Variants in CCDC141 observed in about 807,000 individuals in gnomAD.
CCDC141 encodes coiled-coil domain-containing protein 141.
In CCDC141, 168 loss-of-function variants were observed where a neutral mutation model predicts 181.0. The observed-to-expected ratio is 0.93, with a 90% CI of 0.82 to 1.05. CCDC141 has a LOEUF of 1.05. Among genes scored for constraint, CCDC141 ranks in the 50% least tolerant of loss-of-function variants. The pLI is 0.00. For synonymous variants in CCDC141, 666 were observed against 642.3 expected (o/e 1.04, Z -0.56); for missense variants, 1,902 against 1,788.5 (o/e 1.06, Z -1.14).
At chr2:178,957,394 C>T (rs1013209716) in intron 5 of CCDC141, among the ~76,000 whole-genome samples, 8 of 152,148 alleles carry the variant, frequency 5.3e-5, no homozygotes, top group African/African-American at 1.9e-4. Flanking sequence ...TTAAAGTGGC[C>T]AAAATCTAGA....
chr2:178,920,787 A>G (rs1688656051), intron 6 of CCDC141, among the ~76,000 whole-genome samples: 1 of 152,118 alleles, frequency 6.6e-6, no homozygotes, highest in African/African-American at 2.4e-5. Context: ...AACTGTACAT[A>G]TTATTTTGTG....
At chr2:178,954,438 A>T (rs953839738) in intron 5 of CCDC141, among the ~76,000 whole-genome samples, 1 of 152,238 alleles carries the variant, frequency 6.6e-6, no homozygotes, top group Non-Finnish European at 1.5e-5. Context: ...AGGCTATCAC[A>T]TCCCACTTAA....
chr2:178,834,214 A>G lies in CCDC141; in HGVS notation c.4552T>C (p.Tyr1518His). 1 of 1,536,358 alleles carries G rather than the reference A, an allele frequency of 6.5e-7. No individual in the cohort carries two copies. Among genetic ancestry groups the G allele is most frequent in the Non-Finnish European group, 8.7e-7 (1 of 1,146,870 alleles). Residue 1518 changes from tyrosine (Y) to histidine (H), a missense_variant, in exon 24 of 24, where the codon TAT becomes CAT. Transcript: ENST00000443758. Reference protein sequence around the residue: ...RVNWITLCVVYVSVSLMYWLL... With the variant: ...RVNWITLCVVHVSVSLMYWLL... ...CAGTACATTAGGGACACACTAACAT[A>G]GACGACACACAGGGTTATCCAGTTT...
chr2:178,884,925 C>T lies in CCDC141; in HGVS notation c.1695G>A (p.Val565=). Residue 565 remains valine, a synonymous_variant, in exon 11 of 24, where the codon GTG becomes GTA. Transcript: ENST00000443758. ...CCTCCTCTGATGACTTCAGAAATGCCACGTAAGTTTGCAGGACTTGCGATC... is the reference window on the plus strand; with the variant it reads ...CCTCCTCTGATGACTTCAGAAATGCTACGTAAGTTTGCAGGACTTGCGATC... ...DYRSQVLQTY[V]AFLKSSEEVE... is the part of the protein sequence containing the mutation. 6.5e-7 allele frequency: 1 copy of T among 1,550,270 alleles called. No homozygotes were observed. The highest frequency in any genetic ancestry group is 8.7e-7 in the Non-Finnish European group (1 of 1,146,756).
intron 7 of CCDC141, among the ~76,000 whole-genome samples, chr2:178,909,868 T>C (rs1688145841): frequency 6.6e-6 from 1 of 152,208 alleles, no homozygotes; most frequent in South Asian, 2.1e-4. Flanking sequence ...CATATATCTC[T>C]CTTCAAACCT....
chr2:178,872,365 T>A, intron 12 of CCDC141, 53 bp from the exon 13 acceptor site: 1 of 1,470,926 alleles, frequency 6.8e-7, no homozygotes, highest in Non-Finnish European at 9.3e-7. Context: ...AGATACAGCT[T>A]TTTGTTGTAT....
In CCDC141 at chr2:178,855,513, C is replaced by T; in HGVS notation, c.2894G>A (p.Ser965Asn). The part of the protein sequence containing the change: ...QALKRKMEKV[S>N]NKTSDSFLNY... ...TAAGAAAGAATCAGAGGTTTTATTA[C>T]TAACTTTTTCCATTTTCCTTTTCAA... The change falls in exon 19 of 24, where the codon AGT (serine) becomes AAT (asparagine). Residue 965 changes from serine (S) to asparagine (N), a missense_variant. Transcript: ENST00000443758. The T allele has an allele frequency of 1.3e-6, 2 of 1,591,238 alleles. No individual in the cohort carries two copies. The highest frequency in any genetic ancestry group is 1.7e-6 in the Non-Finnish European group (2 of 1,172,356).
chr2:179,032,631 C>T (rs2043031535), intron 2 of CCDC141, among the ~76,000 whole-genome samples: 1 of 152,082 alleles, frequency 6.6e-6, no homozygotes. Context: ...CTAATCCTTT[C>T]CCCTAATCTA....
chr2:179,045,582 G>A (rs1319403578), intron 2 of CCDC141, among the ~76,000 whole-genome samples: 4 of 151,722 alleles, frequency 2.6e-5, no homozygotes, highest in East Asian at 3.9e-4. Context: ...CTGAGGAGTC[G>A]CCACGCTGAC....
intron 17 of CCDC141, among the ~76,000 whole-genome samples, chr2:178,860,543 CTTTTTTTT>C (rs71023458): frequency 2.5e-4 from 13 of 51,354 alleles, no homozygotes; most frequent in African/African-American, 5.1e-4. Flanking sequence ...AAAAACAACA[CTTTTTTTT>C]TTTTTTTTTT....
intron 2 of CCDC141, among the ~76,000 whole-genome samples, chr2:179,028,532 A>G (rs902823911): frequency 6.6e-6 from 1 of 152,186 alleles, no homozygotes; most frequent in Non-Finnish European, 1.5e-5. Context: ...GTGACCTCCA[A>G]TCTGCCAATA....
intron 6 of CCDC141, among the ~76,000 whole-genome samples, chr2:178,935,108 CACAA>C (rs1324572368): frequency 6.6e-6 from 1 of 152,022 alleles, no homozygotes; most frequent in African/African-American, 2.4e-5. Flanking sequence ...TGGATACTTT[CACAA>C]ACATTTTCTT....
rs573363019 is a variant in CCDC141, at chr2:178,983,383, C to G, written c.226-4708G>C. Reference sequence around the variant, plus strand: ...AGGGGGAAAAAACAGAACAGAAAAACTAGAAACTCTAAAAATCAGAGCACC... The same window carrying G: ...AGGGGGAAAAAACAGAACAGAAAAAGTAGAAACTCTAAAAATCAGAGCACC... On this transcript the variant is annotated intron_variant, in intron 2 of 23. Transcript: ENST00000443758. 1.3e-3 allele frequency among the ~76,000 whole-genome samples: 194 copies of G among 152,304 alleles called. 1 individual carries two copies. The highest frequency in any genetic ancestry group is 4.4e-3 in the African/African-American group (181 of 41,566).
intron 8 of CCDC141, among the ~76,000 whole-genome samples, chr2:178,898,060 G>T (rs1404381399): frequency 6.6e-6 from 1 of 152,190 alleles, no homozygotes; most frequent in Non-Finnish European, 1.5e-5. Flanking sequence ...AGTATGGTTT[G>T]TGCTCACCAA....
At chr2:179,008,670 A>T (rs1488993629) in intron 2 of CCDC141, among the ~76,000 whole-genome samples, 1 of 151,972 alleles carries the variant, frequency 6.6e-6, no homozygotes, top group African/African-American at 2.4e-5. Flanking sequence ...TGGAAGCACC[A>T]CTCCACATAT....
At chr2:179,035,442 A>G (rs971493920) in intron 2 of CCDC141, among the ~76,000 whole-genome samples, 1 of 152,084 alleles carries the variant, frequency 6.6e-6, no homozygotes, top group Non-Finnish European at 1.5e-5. Context: ...GTGGCTGTGT[A>G]ACACACCACC....
chr2:179,027,683 T>TAAAAAAAAAAAAAAAAAAAAA (rs2042891223), intron 2 of CCDC141, among the ~76,000 whole-genome samples: 1 of 110,904 alleles, frequency 9.0e-6, no homozygotes, highest in Non-Finnish European at 1.8e-5. Context: ...AAAAAAAAAG[T>TAAAAAAAAAAAAAAAAAAAAA]TTCCCTGCAC....
At chr2:178,854,729 T>C (rs940481429) in intron 19 of CCDC141, among the ~76,000 whole-genome samples, 6 of 152,174 alleles carry the variant, frequency 3.9e-5, no homozygotes, top group Non-Finnish European at 7.3e-5. Context: ...ATCTAAAAAC[T>C]CAGCTGCATT....
At chr2:178,819,011 C>T in the CCDC141 span, among the ~76,000 whole-genome samples, 1 of 152,288 alleles carries the variant, frequency 6.6e-6, no homozygotes, top group South Asian at 2.1e-4. Context: ...GAAGGAGGAA[C>T]TTGTTCTTAA....
Sources: allele counts gnomAD v4.1 joint callset (sites outside exome capture counted in the v4.1 genomes callset), GRCh38; gene constraint gnomAD v4.1.1; transcripts MANE v1.5; gene names NCBI Gene and HGNC (gene_info 2026-07-23, HGNC 2026-07-21).